SGCZ: variants seen among roughly 807,000 people sequenced by gnomAD.
The protein encoded by SGCZ is zeta-sarcoglycan.
SGCZ carries 40 observed loss-of-function variants against 41.3 expected under a neutral mutation model. The observed-to-expected ratio is 0.97, with a 90% CI of 0.75 to 1.26. SGCZ has a LOEUF of 1.26. SGCZ is among the 50% of genes most tolerant of loss of function. SGCZ has a pLI of 0.00. For missense variants in SGCZ, 552 were observed against 369.8 expected, an observed-to-expected ratio of 1.49 and a Z score of -4.04; for synonymous variants, 206 against 137.5, an observed-to-expected ratio of 1.50 and a Z score of -3.49.
chr8:14,224,412 C>G (rs529527546), intron 4 of SGCZ, among the ~76,000 whole-genome samples: 1 of 152,112 alleles, frequency 6.6e-6, no homozygotes, highest in Non-Finnish European at 1.5e-5. Flanking sequence ...GGGAATATCT[C>G]TAGCTCTGAA....
intron 5 of SGCZ, among the ~76,000 whole-genome samples, chr8:14,149,150 A>C (rs1803618102): frequency 6.6e-6 from 1 of 152,098 alleles, no homozygotes; most frequent in African/African-American, 2.4e-5. Context: ...AATTTTCACC[A>C]CTGTTATTCA....
rs974648389 is a variant in SGCZ at position 14,086,295 on chromosome 8, T to C, written c.*4148A>G. On this transcript the variant is annotated 3_prime_UTR_variant, in exon 8 of 8. Coordinates refer to ENST00000382080, the MANE Select transcript of SGCZ (RefSeq NM_139167.4). ...ATTTAACATTATTATGTTGACATTCTCTGCTATGAAATATAACACTCATAT... is the reference window on the plus strand; with the variant it reads ...ATTTAACATTATTATGTTGACATTCCCTGCTATGAAATATAACACTCATAT... Among the ~76,000 whole-genome samples the C allele has an allele frequency of 1.3e-5, 2 of 151,738 alleles. No homozygotes were observed. The highest frequency in any genetic ancestry group is 3.0e-5 in the Non-Finnish European group (2 of 67,758).
Position 14,732,650 on chromosome 8 carries a change from T to C in SGCZ, c.40-177724A>G, listed in dbSNP as rs541154106. ...CTGAGCTGCTGTTTTCGTGAACTGA[T>C]GCAGGGATTCTGACAAGTTACTTAA... On this transcript the variant is annotated intron_variant, in intron 1 of 7. Coordinates refer to ENST00000382080, the MANE Select transcript of SGCZ (RefSeq NM_139167.4). Among the ~76,000 whole-genome samples, 44 of 152,304 alleles carry C rather than the reference T, an allele frequency of 2.9e-4. 2 individuals are homozygous for C. Among genetic ancestry groups the C allele is most frequent in the African/African-American group, 1.1e-3 (44 of 41,572 alleles).
chr8:14,826,903 T>G (rs1252807170), intron 1 of SGCZ, among the ~76,000 whole-genome samples: 1 of 152,164 alleles, frequency 6.6e-6, no homozygotes, highest in East Asian at 1.9e-4. Context: ...ACTCTGACGG[T>G]AGTTTCTTTT....
chr8:14,304,278 C>T (rs1271604327), intron 3 of SGCZ, among the ~76,000 whole-genome samples: 2 of 151,100 alleles, frequency 1.3e-5, no homozygotes, highest in Non-Finnish European at 2.9e-5. Flanking sequence ...ACCGTCTACA[C>T]AAAAAAGTAA....
chr8:14,578,362 C>G (rs543097485), intron 1 of SGCZ, among the ~76,000 whole-genome samples: 1 of 152,298 alleles, frequency 6.6e-6, no homozygotes, highest in African/African-American at 2.4e-5. Flanking sequence ...AGCAGACCAG[C>G]CTGGCCCAGA....
At chr8:14,852,990 AGGCAGCC>A (rs1803390219) in intron 1 of SGCZ, among the ~76,000 whole-genome samples, 1 of 152,210 alleles carries the variant, frequency 6.6e-6, no homozygotes, top group Non-Finnish European at 1.5e-5. Context: ...ACTGCTGATG[AGGCAGCC>A]ACACTTACCA....
In SGCZ at chr8:14,656,403, CCTCCT is replaced by C. The variant is rs1456231784; in HGVS notation, c.40-101482_40-101478del. 3.6e-3 allele frequency among the ~76,000 whole-genome samples: 463 copies of C among 128,350 alleles called. 1 individual carries two copies. Among genetic ancestry groups the C allele is most frequent in the Middle Eastern group, 0.036 (9 of 250 alleles). The allele number at this position is 128,350 out of a possible 152,430, so 84.2% of individuals were successfully genotyped here. ...TTCTTCTTTTTCTCCCTTTCTCTTT[CCTCCT>C]CTCCTCTCCTTCCTTCCTTCCTCCC... On this transcript the variant is annotated intron_variant, in intron 1 of 7. Transcript: ENST00000382080.
intron 2 of SGCZ, among the ~76,000 whole-genome samples, chr8:14,430,383 G>A (rs1412037914): frequency 2.0e-5 from 3 of 152,052 alleles, no homozygotes; most frequent in Non-Finnish European, 4.4e-5. Flanking sequence ...ATGCAGTAAT[G>A]GTTTAACATA....
chr8:14,453,089 C>A (rs949505615), intron 2 of SGCZ, among the ~76,000 whole-genome samples: 1 of 152,062 alleles, frequency 6.6e-6, no homozygotes, highest in African/African-American at 2.4e-5. Flanking sequence ...GCCTGGGTGA[C>A]AGAGCAAGAC....
intron 1 of SGCZ, among the ~76,000 whole-genome samples, chr8:15,156,880 G>T (rs1799345566): frequency 1.3e-5 from 2 of 151,410 alleles, no homozygotes; most frequent in African/African-American, 2.4e-5. Context: ...AGGAGACGGA[G>T]GTGGCAGTAA....
intron 4 of SGCZ, among the ~76,000 whole-genome samples, chr8:14,208,922 A>G (rs1445368851): frequency 6.6e-6 from 1 of 152,174 alleles, no homozygotes; most frequent in Non-Finnish European, 1.5e-5. Context: ...CCCCCAAATT[A>G]TTTCCATTTC....
At chr8:14,586,020 G>A (rs1186573112) in intron 1 of SGCZ, among the ~76,000 whole-genome samples, 1 of 152,110 alleles carries the variant, frequency 6.6e-6, no homozygotes, top group East Asian at 1.9e-4. Flanking sequence ...ATCATGTACA[G>A]ATAATTTTAT....
intron 1 of SGCZ, among the ~76,000 whole-genome samples, chr8:14,815,016 G>T (rs1801860535): frequency 6.6e-6 from 1 of 152,012 alleles, no homozygotes; most frequent in African/African-American, 2.4e-5. Flanking sequence ...TGTTTCTGAT[G>T]TGCCTGATTT....
At chr8:14,509,607 G>C (rs28387675) in intron 2 of SGCZ, among the ~76,000 whole-genome samples, 7,010 of 152,164 alleles carry the variant, frequency 0.046, 228 homozygotes, top group African/African-American at 0.084. Context: ...AGAAGAACAT[G>C]AACCATCATC....
intron 1 of SGCZ, among the ~76,000 whole-genome samples, chr8:14,636,383 G>A (rs1319649851): frequency 6.6e-6 from 1 of 151,864 alleles, no homozygotes; most frequent in East Asian, 1.9e-4. Flanking sequence ...AGAAAAAACA[G>A]ACAACCAGCT....
chr8:14,714,636 T>G (rs560875615), intron 1 of SGCZ, among the ~76,000 whole-genome samples: 9 of 152,008 alleles, frequency 5.9e-5, no homozygotes, highest in African/African-American at 2.2e-4. Context: ...AGTCTGCAGA[T>G]GATTAAAGAA....
chr8:14,567,967 C>T (rs1804429697), intron 1 of SGCZ, among the ~76,000 whole-genome samples: 4 of 152,288 alleles, frequency 2.6e-5, no homozygotes, highest in East Asian at 1.9e-4. Context: ...TAACGCTCAC[C>T]GCGAGGGTCC....
chr8:14,232,135 TC>T (rs1806593756), intron 4 of SGCZ, among the ~76,000 whole-genome samples: 1 of 1,854 alleles, frequency 5.4e-4, no homozygotes, highest in African/African-American at 2.0e-3. Flanking sequence ...TCTTCTTTCA[TC>T]ATATATATAT....
Sources: allele counts gnomAD v4.1 joint callset (sites outside exome capture counted in the v4.1 genomes callset), GRCh38; gene constraint gnomAD v4.1.1; transcripts MANE v1.5; gene names NCBI Gene and HGNC (gene_info 2026-07-23, HGNC 2026-07-21).